The following SMAD5 variants were observed in gnomAD, a reference collection of about 807,000 sequenced individuals.
SMAD5 encodes SMAD family member 5, also known as MAD, mothers against decapentaplegic homolog 5.
Under a neutral mutation model 43.1 loss-of-function variants are expected in SMAD5, and 9 were observed. The ratio of observed to expected loss-of-function variants is 0.21; its 90% CI spans 0.13 to 0.36. The LOEUF (loss-of-function observed/expected upper bound fraction) is 0.36. Ranked by LOEUF, SMAD5 falls within the 10% of genes least tolerant of loss-of-function variation. SMAD5 has a pLI of 1.00. For synonymous variants in SMAD5, 190 were observed against 192.4 expected, an observed-to-expected ratio of 0.99 and a Z score of 0.10; for missense variants, 348 against 574.0, an observed-to-expected ratio of 0.61 and a Z score of 4.02.
chr5:136,173,128 A>G (rs1754283286), intron 6 of SMAD5, among the ~76,000 whole-genome samples: 1 of 152,202 alleles, frequency 6.6e-6, no homozygotes, highest in South Asian at 2.1e-4. Context: ...GGAATTAGAA[A>G]TGGGAAATCT....
chr5:136,151,806 T>A (rs996883038), intron 2 of SMAD5, among the ~76,000 whole-genome samples: 1 of 151,996 alleles, frequency 6.6e-6, no homozygotes, highest in Non-Finnish European at 1.5e-5. Flanking sequence ...ATATATATAT[T>A]TTTTTGTTTG....
At chr5:136,176,436 CAA>C (rs1376796613) in intron 7 of SMAD5, among the ~76,000 whole-genome samples, 1 of 70,208 alleles carries the variant, frequency 1.4e-5, no homozygotes, top group Non-Finnish European at 2.5e-5. Flanking sequence ...GCCTGGGCAA[CAA>C]GAGAGAAACT....
At chr5:136,158,447 C>A (rs909686362) in intron 3 of SMAD5, among the ~76,000 whole-genome samples, 1 of 152,122 alleles carries the variant, frequency 6.6e-6, no homozygotes. Context: ...AATTTTTATA[C>A]ATGCAGGAAG....
rs546160472 is a variant in SMAD5, at chr5:136,161,072, C to A, written c.620C>A (p.Ala207Glu). ...AGCAGCACATATCCCAACTCCCCAG[C>A]AAGTTCTGGACCAGGAAGTCCATTT... ...PASSTYPNSP[A>E]SSGPGSPFQL... is the part of the protein sequence containing the mutation. The change falls in exon 4 of 8, where the codon GCA becomes GAA. Residue 207 changes from alanine (A) to glutamate (E), a missense_variant. Ala to Glu is a moderately radical substitution (Grantham distance 107). Transcript: ENST00000545279. 6.2e-7 allele frequency: 1 copy of A among 1,613,612 alleles called. No individual in the cohort carries two copies. Among genetic ancestry groups the A allele is most frequent in the South Asian group, 1.1e-5 (1 of 91,074 alleles).
At chr5:136,138,552 C>T (rs946704872) in intron 1 of SMAD5, among the ~76,000 whole-genome samples, 5 of 152,262 alleles carry the variant, frequency 3.3e-5, no homozygotes, top group African/African-American at 1.2e-4. Context: ...AAGTTGATAG[C>T]AGTTGTATAC....
chr5:136,165,662 ATTTTTTTTTTTTTTTTTTTTTTT>A (rs58156387), intron 5 of SMAD5, among the ~76,000 whole-genome samples: 3 of 65,456 alleles, frequency 4.6e-5, no homozygotes, highest in South Asian at 6.4e-4. Context: ...GAATCATACA[ATTTTTTTTTTTTTTTTTTTTTTT>A]TTTTTTTTTT....
rs1753629265 is a variant in SMAD5 at position 136,156,160 on chromosome 5, C to T, written c.403+1997C>T. 2.6e-5 allele frequency among the ~76,000 whole-genome samples: 4 copies of T among 152,212 alleles called. No individual in the cohort carries two copies. The South Asian group carries it at 8.3e-4, about 32-fold the overall frequency. ...TTGTTGACAGATTTAGTTGCTTTCA[C>T]ATAGCCTTCTTTATAGGTAGTTCAC... On this transcript the variant is annotated intron_variant, in intron 3 of 7. Transcript: ENST00000545279.
In SMAD5 at chr5:136,182,418, CGAA is replaced by C. The variant is rs1754663082; in HGVS notation, c.*4941_*4943del. On this transcript the variant is annotated 3_prime_UTR_variant, in exon 8 of 8. Coordinates refer to ENST00000545279, the MANE Select transcript of SMAD5 (RefSeq NM_005903.7). ...TTTTGAAATTCACTTATTTTAAAAT[CGAA>C]GAGGATTGTAATCATGGAAATAGAA... 1 of 152,100 alleles carries C rather than the reference CGAA, an allele frequency of 6.6e-6. No individual in the cohort carries two copies. Among genetic ancestry groups the C allele is most frequent in the Non-Finnish European group, 1.5e-5 (1 of 67,966 alleles). 9.4% of individuals were successfully genotyped at this position (152,100 alleles called of 1,614,324 possible). A position where few individuals can be genotyped will look rare whatever the true frequency, so the allele number is the denominator to read the frequency against.
At chr5:136,156,596 T>C (rs1156609005) in intron 3 of SMAD5, among the ~76,000 whole-genome samples, 4 of 152,126 alleles carry the variant, frequency 2.6e-5, no homozygotes, top group African/African-American at 4.8e-5. Flanking sequence ...AGCTGATAGC[T>C]GAAGGAACTG....
chr5:136,158,573 T>C (rs184761087), intron 3 of SMAD5, among the ~76,000 whole-genome samples: 7 of 152,204 alleles, frequency 4.6e-5, no homozygotes, highest in South Asian at 4.1e-4. Context: ...GTAGGAGACT[T>C]GAGCAGTAAC....
chr5:136,161,548 A>G (rs1753825569), intron 4 of SMAD5, among the ~76,000 whole-genome samples: 1 of 152,250 alleles, frequency 6.6e-6, no homozygotes, highest in African/African-American at 2.4e-5. Flanking sequence ...AGGTTTGTCT[A>G]ACTCTAAAGT....
intron 5 of SMAD5, 81 bp from the exon 6 acceptor site, chr5:136,172,353 G>C (rs1357734649): frequency 5.2e-6 from 4 of 767,212 alleles, no homozygotes; most frequent in African/African-American, 1.8e-5. Flanking sequence ...GTAATACTTG[G>C]GTTGGGTTAA....
chr5:136,149,266 A>G (rs940896475), intron 2 of SMAD5, among the ~76,000 whole-genome samples: 1 of 151,864 alleles, frequency 6.6e-6, no homozygotes, highest in Non-Finnish European at 1.5e-5. Flanking sequence ...TGGGACTATT[A>G]TAAATAAAGT....
chr5:136,159,041 TAAAC>T (rs1237963930), intron 3 of SMAD5, among the ~76,000 whole-genome samples: 2 of 152,194 alleles, frequency 1.3e-5, no homozygotes, highest in African/African-American at 2.4e-5. Flanking sequence ...TACTTAAAAT[TAAAC>T]AAATGAAGAA....
At chr5:136,163,513 G>A in intron 5 of SMAD5, 122 bp downstream of exon 5, 1 of 734,622 alleles carries the variant, frequency 1.4e-6, no homozygotes, top group Non-Finnish European at 2.0e-6. Flanking sequence ...TTTGTTTTAA[G>A]TGTATGATTC....
chr5:136,171,752 A>G (rs893674851), intron 5 of SMAD5, among the ~76,000 whole-genome samples: 5 of 152,192 alleles, frequency 3.3e-5, no homozygotes, highest in African/African-American at 1.2e-4. Context: ...TTGATGTGGA[A>G]ATGAGTTAAG....
In SMAD5 at chr5:136,177,861, T is replaced by G. The variant is rs1258114277; in HGVS notation, c.*381T>G. ...AGGGCATATACAGTGAAGAGTAAGT[T>G]TTCCCTCCTACTCTCGATCTTCCAG... On this transcript the variant is annotated 3_prime_UTR_variant, in exon 8 of 8. Transcript: ENST00000545279. The G allele has an allele frequency of 2.6e-5, 4 of 155,598 alleles. No homozygotes were observed. Among genetic ancestry groups the G allele is most frequent in the Admixed American group, 2.6e-4 (4 of 15,634 alleles). The allele number at this position is 155,598 out of a possible 1,614,324, so 9.6% of individuals were successfully genotyped here.
At chr5:136,169,738 A>G (rs759474093) in intron 5 of SMAD5, among the ~76,000 whole-genome samples, 3 of 152,212 alleles carry the variant, frequency 2.0e-5, no homozygotes, top group Non-Finnish European at 4.4e-5. Context: ...ATTCCCAACT[A>G]TGAATGAGAA....
chr5:136,163,346 A>T lies in SMAD5; in HGVS notation c.730A>T (p.Ser244Cys). The change falls in exon 5 of 8, where the codon AGC (serine) becomes TGC (cysteine). Residue 244 changes from serine (S) to cysteine (C), a missense_variant. By Grantham distance (112) the Ser-to-Cys change is moderately radical (BLOSUM62 -1). Transcript: ENST00000545279. ...AGATAATTCCCAGCCTATGGATACA[A>T]GCAATAATATGATTCCTCAGATTAT... is the stretch of plus-strand genomic sequence containing the variant. Reference protein sequence around the residue: ...GQDNSQPMDTSNNMIPQIMPS... With the variant: ...GQDNSQPMDTCNNMIPQIMPS... The T allele has an allele frequency of 6.2e-7, 1 of 1,611,484 alleles. No individual in the cohort carries two copies. Among genetic ancestry groups the T allele is most frequent in the Non-Finnish European group, 8.5e-7 (1 of 1,177,922 alleles).
Sources: allele counts gnomAD v4.1 joint callset (sites outside exome capture counted in the v4.1 genomes callset), GRCh38; gene constraint gnomAD v4.1.1; transcripts MANE v1.5; gene names NCBI Gene and HGNC (gene_info 2026-07-23, HGNC 2026-07-21).